Variants in RPH3A observed in about 807,000 individuals in gnomAD.
RPH3A encodes rabphilin-3A.
Under a neutral mutation model 102.2 loss-of-function variants are expected in RPH3A, and 48 were observed. The ratio of observed to expected loss-of-function variants is 0.47; its 90% CI spans 0.37 to 0.60. The LOEUF is 0.60. Ranked by LOEUF, RPH3A falls within the 20% of genes least tolerant of loss-of-function variation. The probability of loss-of-function intolerance (pLI) is 0.00; values close to 1 mark genes in which losing one functional copy is unlikely to be tolerated. For synonymous variants in RPH3A, 310 were observed against 324.3 expected, an observed-to-expected ratio of 0.96 and a Z score of 0.47; for missense variants, 781 against 910.1, an observed-to-expected ratio of 0.86 and a Z score of 1.83.
intron 2 of RPH3A, among the ~76,000 whole-genome samples, chr12:112,810,946 A>T (rs2041562888): frequency 6.8e-6 from 1 of 146,058 alleles, no homozygotes; most frequent in Admixed American, 6.9e-5. Context: ...TATATAATAC[A>T]TATTTTTTGT....
At chr12:112,636,717 G>A (rs1204733006) in intron 1 of RPH3A, among the ~76,000 whole-genome samples, 1 of 152,122 alleles carries the variant, frequency 6.6e-6, no homozygotes, top group African/African-American at 2.4e-5. Context: ...AGAGGGCAAC[G>A]CCTGGGACAT....
At chr12:112,653,379 A>AG (rs2039989996) in intron 1 of RPH3A, among the ~76,000 whole-genome samples, 1 of 151,760 alleles carries the variant, frequency 6.6e-6, no homozygotes, top group Non-Finnish European at 1.5e-5. Context: ...AAAAAAAAAA[A>AG]AAAAAAAAAG....
chr12:112,742,381 G>T (rs1223178100), intron 1 of RPH3A, among the ~76,000 whole-genome samples: 4 of 152,120 alleles, frequency 2.6e-5, no homozygotes, highest in African/African-American at 9.7e-5. Context: ...AGGAGCCACG[G>T]CACCGAGACG....
chr12:112,738,496 G>C (rs1325672464), intron 1 of RPH3A, among the ~76,000 whole-genome samples: 2 of 152,034 alleles, frequency 1.3e-5, no homozygotes, highest in African/African-American at 4.8e-5. Context: ...ATTTTGCAGG[G>C]GGTACTACTT....
At chr12:112,865,193 G>A (rs1200291613) in intron 5 of RPH3A, among the ~76,000 whole-genome samples, 1 of 152,208 alleles carries the variant, frequency 6.6e-6, no homozygotes, top group African/African-American at 2.4e-5. Context: ...CAGTAGAATA[G>A]ATGGGACTTT....
intron 1 of RPH3A, among the ~76,000 whole-genome samples, chr12:112,632,964 A>C (rs1045413452): frequency 1.3e-5 from 2 of 152,054 alleles, no homozygotes; most frequent in African/African-American, 4.8e-5. Flanking sequence ...AGGCCAAGGC[A>C]GGAGGATGAC....
chr12:112,843,668 C>T (rs1265553800), intron 4 of RPH3A, among the ~76,000 whole-genome samples: 1 of 152,144 alleles, frequency 6.6e-6, no homozygotes, highest in African/African-American at 2.4e-5. Flanking sequence ...CTTGGAGGGT[C>T]TTCACTGGGA....
chr12:112,577,828 C>A (rs779586913), intron 1 of RPH3A, among the ~76,000 whole-genome samples: 1 of 151,934 alleles, frequency 6.6e-6, no homozygotes, highest in Non-Finnish European at 1.5e-5. Context: ...CAGGTGTGAG[C>A]CACTGTGCCT....
At chr12:112,591,273 A>G (rs1051788249) in intron 1 of RPH3A, among the ~76,000 whole-genome samples, 1 of 151,512 alleles carries the variant, frequency 6.6e-6, no homozygotes, top group African/African-American at 2.4e-5. Context: ...TTTTTAGGAG[A>G]TAGGATTTTA....
At chr12:112,787,878 T>A (rs913976091), upstream of RPH3A, among the ~76,000 whole-genome samples, 1 of 152,184 alleles carries the variant, frequency 6.6e-6, no homozygotes, top group Non-Finnish European at 1.5e-5. Context: ...TGATGGAAAG[T>A]CTTACTGGGC....
At chr12:112,815,623 CT>C (rs1274650142) in intron 2 of RPH3A, among the ~76,000 whole-genome samples, 1 of 152,154 alleles carries the variant, frequency 6.6e-6, no homozygotes, top group Non-Finnish European at 1.5e-5. Flanking sequence ...TCTTCCGTGG[CT>C]TGATGAGATT....
chr12:112,725,181 G>A (rs771286955), intron 1 of RPH3A, among the ~76,000 whole-genome samples: 15 of 149,928 alleles, frequency 1.0e-4, no homozygotes, highest in East Asian at 7.8e-4. Context: ...CCTGAGAGGC[G>A]GAGGTTGCAG....
intron 1 of RPH3A, among the ~76,000 whole-genome samples, chr12:112,606,083 C>G (rs994062122): frequency 1.3e-5 from 2 of 152,164 alleles, no homozygotes; most frequent in East Asian, 3.9e-4. Flanking sequence ...TCTTTCTTCT[C>G]TTAGTACCTG....
intron 1 of RPH3A, among the ~76,000 whole-genome samples, chr12:112,759,679 T>C (rs1162274949): frequency 6.6e-6 from 1 of 152,130 alleles, no homozygotes; most frequent in Non-Finnish European, 1.5e-5. Context: ...AGGATAGGTG[T>C]GGACAAATGA....
intron 1 of RPH3A, among the ~76,000 whole-genome samples, chr12:112,707,180 A>G (rs1329402227): frequency 6.6e-6 from 1 of 152,172 alleles, no homozygotes; most frequent in Non-Finnish European, 1.5e-5. Context: ...TGATGCTAAA[A>G]AAATCATTTG....
At chr12:112,828,900 A>C (rs2041924251) in intron 3 of RPH3A, among the ~76,000 whole-genome samples, 1 of 152,252 alleles carries the variant, frequency 6.6e-6, no homozygotes. Context: ...ATGTCTTCAA[A>C]ATATCAGAAG....
intron 1 of RPH3A, among the ~76,000 whole-genome samples, chr12:112,778,263 A>T (rs1034122695): frequency 5.3e-5 from 8 of 152,246 alleles, no homozygotes; most frequent in Non-Finnish European, 1.0e-4. Context: ...AATCCTAATT[A>T]TGGAGAGGCT....
chr12:112,791,863 G>GA lies in RPH3A; in HGVS notation c.-287dup. The GA allele has an allele frequency of 5.0e-4, 3 of 5,970 alleles. No individual in the cohort carries two copies. The South Asian group carries it at 0.012, about 24-fold the overall frequency. The allele number at this position is 5,970 out of a possible 1,614,324, so 0.4% of individuals were successfully genotyped here. A position where few individuals can be genotyped will look rare whatever the true frequency, so the allele number is the denominator to read the frequency against. On this transcript the variant is annotated 5_prime_UTR_variant, in exon 1 of 22. Coordinates refer to ENST00000389385, the MANE Select transcript of RPH3A (RefSeq NM_001143854.2). ...CCTACGCGGACTGGAAAGGAAGGGAGAAGGGAGAGAGAGAGAGAGAGAGAG... is the reference window on the plus strand; with the variant it reads ...CCTACGCGGACTGGAAAGGAAGGGAGAAAGGGAGAGAGAGAGAGAGAGAGAG...
chr12:112,687,514 T>C (rs1339192102), intron 1 of RPH3A, among the ~76,000 whole-genome samples: 1 of 152,188 alleles, frequency 6.6e-6, no homozygotes, highest in Non-Finnish European at 1.5e-5. Context: ...GAGACTCTGA[T>C]TTAGTTGGTC....
Sources: gnomAD v4.1 joint callset for allele counts (sites outside exome capture counted in the v4.1 genomes callset) on GRCh38, gnomAD v4.1.1 for gene constraint, MANE v1.5 for transcripts, NCBI Gene and HGNC (gene_info 2026-07-23, HGNC 2026-07-21) for gene names.